The following KIF1A variants were observed in gnomAD, a reference collection of about 807,000 sequenced individuals.
The protein encoded by KIF1A is kinesin family member 1A.
Under a neutral mutation model 227.3 loss-of-function variants are expected in KIF1A, and 46 were observed. The observed-to-expected ratio is 0.20, with a 90% CI of 0.16 to 0.26. The LOEUF is 0.26. Ranked by LOEUF, KIF1A falls within the 10% of genes least tolerant of loss-of-function variation. The probability of loss-of-function intolerance (pLI) is 1.00; values close to 1 mark genes in which losing one functional copy is unlikely to be tolerated. For synonymous variants in KIF1A, 1,022 were observed against 1,012.8 expected (o/e 1.01, Z -0.17); for missense variants, 1,683 against 2,485.9 (o/e 0.68, Z 6.87).
Position 240,789,431 on chromosome 2 carries a change from C to T in KIF1A, c.107-119G>A. 1 of 778,558 alleles carries T rather than the reference C, an allele frequency of 1.3e-6. No homozygotes were observed. Among genetic ancestry groups the T allele is most frequent in the Non-Finnish European group, 2.2e-6 (1 of 455,810 alleles). The allele number at this position is 778,558 out of a possible 1,614,324, so 48.2% of individuals were successfully genotyped here. On this transcript the variant is annotated intron_variant, in intron 2 of 48. Coordinates refer to ENST00000498729, the MANE Select transcript of KIF1A (RefSeq NM_001244008.2). This position sits in a 1 kb window ranked among gnomAD's most constrained non-coding sequence, Gnocchi z 4.8. ...GCCTCGGGCCCCAGACAAGCCAGGC[C>T]CCCAAATTGGAGGGGACCTAGGACC... is the stretch of plus-strand genomic sequence containing the variant.
At position 240,760,646 on chromosome 2, in the gene KIF1A, A is replaced by G. The variant is rs535696519; in HGVS notation, c.2444+19T>C. On this transcript the variant is annotated intron_variant, in intron 25 of 48. Transcript: ENST00000498729. ...AGGAGGACCCTCCCACCATCCACCCAGCGGCCCTCCAGCCCCACCTGAGCT... is the reference window on the plus strand; with the variant it reads ...AGGAGGACCCTCCCACCATCCACCCGGCGGCCCTCCAGCCCCACCTGAGCT... The G allele has an allele frequency of 1.7e-5, 25 of 1,446,356 alleles. No individual in the cohort carries two copies. The Admixed American group carries it at 2.1e-4, about 12-fold the overall frequency. The allele number at this position is 1,446,356 out of a possible 1,614,324, so 89.6% of individuals were successfully genotyped here. A position where few individuals can be genotyped will look rare whatever the true frequency, so the allele number is the denominator to read the frequency against.
At chr2:240,818,032 T>C (rs2058453197) in intron 1 of KIF1A, among the ~76,000 whole-genome samples, 1 of 152,152 alleles carries the variant, frequency 6.6e-6, no homozygotes, top group Admixed American at 6.5e-5. Context: ...CTGTGGGACA[T>C]TCCAGTGGGG....
Position 240,740,055 on chromosome 2 carries a change from C to A in KIF1A, c.3901+3G>T. 6.3e-7 allele frequency: 1 copy of A among 1,578,370 alleles called. No homozygotes were observed. Among genetic ancestry groups the A allele is most frequent in the Non-Finnish European group, 8.6e-7 (1 of 1,162,266 alleles). The stretch of plus-strand genomic sequence containing the variant: ...ACCAAGGCAGCCCCCACACCGCACT[C>A]ACCCACGACCAGCTCGCGCACTTCC... On this transcript the variant is annotated splice_donor_region_variant and intron_variant, in intron 37 of 48. Transcript: ENST00000498729. This position sits in a 1 kb window ranked among gnomAD's most constrained non-coding sequence, Gnocchi z 6.1.
Position 240,721,851 on chromosome 2 carries a change from C to G in KIF1A, c.4699G>C (p.Glu1567Gln). The change falls in exon 44 of 49, where the codon GAG (glutamate) becomes CAG (glutamine). Residue 1567 changes from glutamate (E) to glutamine (Q), a missense_variant. Transcript: ENST00000498729. ...ACGCAGACGTGGCTGTGTGTGTACTCTCTGTTGAATGTGTGCGTGAGCAGG... is the reference window on the plus strand; with the variant it reads ...ACGCAGACGTGGCTGTGTGTGTACTGTCTGTTGAATGTGTGCGTGAGCAGG... ...LRLLTHTFNREYTHSHVCVSA... is the reference protein window; with the variant it reads ...LRLLTHTFNRQYTHSHVCVSA... 2 of 1,607,694 alleles carry G rather than the reference C, an allele frequency of 1.2e-6. No individual in the cohort carries two copies. The highest frequency in any genetic ancestry group is 2.2e-5 in the East Asian group (1 of 44,862).
intron 38 of KIF1A, among the ~76,000 whole-genome samples, chr2:240,731,947 G>A (rs1575536470): frequency 1.6e-5 from 2 of 122,594 alleles, no homozygotes; most frequent in Admixed American, 7.9e-5. Flanking sequence ...ATGGGGGGAG[G>A]AGGGGAGGAG....
At chr2:240,742,562 G>A (rs981760592) in intron 34 of KIF1A, among the ~76,000 whole-genome samples, 8 of 152,050 alleles carry the variant, frequency 5.3e-5, no homozygotes, top group South Asian at 2.1e-4. Flanking sequence ...CCACACTCTC[G>A]CTCCCACCTC....
chr2:240,733,195 C>T (rs867804193), intron 38 of KIF1A, among the ~76,000 whole-genome samples: 2 of 152,018 alleles, frequency 1.3e-5, no homozygotes, highest in Non-Finnish European at 2.9e-5. Context: ...AATGTTGCGG[C>T]CCCACCAATG....
chr2:240,812,937 G>A (rs74642022), intron 1 of KIF1A, among the ~76,000 whole-genome samples: 21 of 82,238 alleles, frequency 2.6e-4, no homozygotes, highest in South Asian at 4.3e-4. Context: ...CTTCACCTCG[G>A]GGATCCGCCT....
chr2:240,762,606 C>T lies in KIF1A; in HGVS notation c.2116+113G>A. On this transcript the variant is annotated intron_variant, in intron 23 of 48. Coordinates refer to ENST00000498729, the MANE Select transcript of KIF1A (RefSeq NM_001244008.2). ...AGGTCTTTCCCTAAAGAGACAGGTCCAGACCCCAGGGCAAAAGTGCTGACC... is the reference window on the plus strand; with the variant it reads ...AGGTCTTTCCCTAAAGAGACAGGTCTAGACCCCAGGGCAAAAGTGCTGACC... The T allele has an allele frequency of 2.9e-6, 4 of 1,379,260 alleles. No individual in the cohort carries two copies. In the South Asian group the frequency reaches 7.1e-5, roughly 24 times the overall value. 85.4% of individuals were successfully genotyped at this position (1,379,260 alleles called of 1,614,324 possible).
chr2:240,756,965 C>A (rs2049912933), intron 27 of KIF1A, among the ~76,000 whole-genome samples: 1 of 152,214 alleles, frequency 6.6e-6, no homozygotes, highest in Non-Finnish European at 1.5e-5. Flanking sequence ...AGGAACTCGG[C>A]CATTGGGTGC....
rs1195594601 is a variant in KIF1A, at chr2:240,758,372, C to T, written c.2570G>A (p.Arg857Gln). Residue 857 changes from arginine to glutamine, a missense_variant, in exon 26 of 49, where the codon CGG becomes CAG. Physicochemically the swap from Arg to Gln is conservative, Grantham distance 43 (BLOSUM62 1). Coordinates refer to ENST00000498729, the MANE Select transcript of KIF1A (RefSeq NM_001244008.2). This position sits in a 1 kb window ranked among gnomAD's most constrained non-coding sequence, Gnocchi z 5.2. ...DPFYDRFPWF[R>Q]LVGSSAISGC... ...AGGAGGCGCCCACCTGCCCACCAGC[C>T]GGAACCAGGGGAAGCGGTCATAGAA... 5.6e-6 allele frequency: 9 copies of T among 1,611,520 alleles called. No individual in the cohort carries two copies. The highest frequency in any genetic ancestry group is 2.2e-5 in the South Asian group (2 of 90,786).
At chr2:240,748,710 TC>T (rs1201106086) in intron 28 of KIF1A, 3 of 297,084 alleles carry the variant, frequency 1.0e-5, no homozygotes, top group South Asian at 2.9e-5. Context: ...TCACCCTCAC[TC>T]CCCAGCTGGG....
rs1459612904 is a variant in KIF1A at position 240,725,693 on chromosome 2, C to T, written c.4123-289G>A. The T allele has an allele frequency of 8.4e-6, 3 of 355,808 alleles. No homozygotes were observed. The highest frequency in any genetic ancestry group is 5.1e-6 in the Non-Finnish European group (1 of 197,426). 22.0% of individuals were successfully genotyped at this position (355,808 alleles called of 1,614,324 possible). A position where few individuals can be genotyped will look rare whatever the true frequency, so the allele number is the denominator to read the frequency against. ...CCCAGACATAGGCTCACTGCTCGGG[C>T]CTCAGCTGCCTCACCATAAAATTGG... On this transcript the variant is annotated intron_variant, in intron 39 of 48. Transcript: ENST00000498729. This position sits in a 1 kb window ranked among gnomAD's most constrained non-coding sequence, Gnocchi z 5.8.
In KIF1A at chr2:240,725,707, C is replaced by T; in HGVS notation, c.4123-303G>A. 1 of 333,050 alleles carries T rather than the reference C, an allele frequency of 3.0e-6. No homozygotes were observed. The highest frequency in any genetic ancestry group is 5.5e-6 in the Non-Finnish European group (1 of 183,268). The allele number at this position is 333,050 out of a possible 1,614,324, so 20.6% of individuals were successfully genotyped here. On this transcript the variant is annotated intron_variant, in intron 39 of 48. Transcript: ENST00000498729. This position sits in a 1 kb window ranked among gnomAD's most constrained non-coding sequence, Gnocchi z 5.8. ...CACTGCTCGGGCCTCAGCTGCCTCA[C>T]CATAAAATTGGGGTGACCCCTCCCC... is the stretch of plus-strand genomic sequence containing the variant.
In KIF1A at chr2:240,716,396, T is replaced by G. The variant is rs1216333740; in HGVS notation, c.*968A>C. ...CGTCGCCCTGAATTCCGATCTTCCC[T>G]GACTTCCTGGTCTCAACCCACCACC... On this transcript the variant is annotated 3_prime_UTR_variant, in exon 49 of 49. Coordinates refer to ENST00000498729, the MANE Select transcript of KIF1A (RefSeq NM_001244008.2). 6.6e-6 allele frequency: 1 copy of G among 152,272 alleles called. No individual in the cohort carries two copies. The highest frequency in any genetic ancestry group is 2.4e-5 in the African/African-American group (1 of 41,400). 9.4% of individuals were successfully genotyped at this position (152,272 alleles called of 1,614,324 possible). A position where few individuals can be genotyped will look rare whatever the true frequency, so the allele number is the denominator to read the frequency against.
intron 41 of KIF1A, 115 bp downstream of exon 41, chr2:240,723,860 G>T: frequency 2.1e-6 from 2 of 932,126 alleles, no homozygotes; most frequent in Non-Finnish European, 3.5e-6. Flanking sequence ...CAAGGTGAGT[G>T]CTTGGGTTCT....
chr2:240,811,828 T>C (rs2057889914), intron 1 of KIF1A, among the ~76,000 whole-genome samples: 1 of 151,996 alleles, frequency 6.6e-6, no homozygotes, highest in African/African-American at 2.4e-5. Flanking sequence ...GGGTCTGCGC[T>C]GGGGACATAG....
rs539038599 is a variant in KIF1A at position 240,785,191 on chromosome 2, G to A, written c.609-91C>T. 4.8e-5 allele frequency: 47 copies of A among 988,340 alleles called. No individual in the cohort carries two copies. In the African/African-American group the frequency reaches 6.5e-4, roughly 14 times the overall value. The allele number at this position is 988,340 out of a possible 1,614,324, so 61.2% of individuals were successfully genotyped here. A position where few individuals can be genotyped will look rare whatever the true frequency, so the allele number is the denominator to read the frequency against. The stretch of plus-strand genomic sequence containing the variant: ...TGCCAGCCCTCTGAACCAGGTCATC[G>A]GGGGGGGCAGTTCCCCCAGACCCCA... On this transcript the variant is annotated intron_variant, in intron 6 of 48. Coordinates refer to ENST00000498729, the MANE Select transcript of KIF1A (RefSeq NM_001244008.2).
intron 1 of KIF1A, among the ~76,000 whole-genome samples, chr2:240,813,216 C>A (rs1183256522): frequency 2.0e-5 from 3 of 152,368 alleles, no homozygotes; most frequent in East Asian, 1.9e-4. Context: ...AGTGTCCTGG[C>A]CACCCCTGGA....
Sources: allele counts gnomAD v4.1 joint callset (sites outside exome capture counted in the v4.1 genomes callset), GRCh38; gene constraint gnomAD v4.1.1; non-coding constraint Gnocchi (gnomAD v3.1); transcripts MANE v1.5; gene names NCBI Gene and HGNC (gene_info 2026-07-23, HGNC 2026-07-21).